The following CTTN variants were observed in gnomAD, a reference collection of about 807,000 sequenced individuals.
CTTN encodes the protein src substrate cortactin.
CTTN carries 28 observed loss-of-function variants against 84.0 expected under a neutral mutation model. That is an observed-to-expected ratio of 0.33 (90% CI 0.25 to 0.46). The LOEUF is 0.46. CTTN is among the 20% of genes least tolerant of loss of function. The pLI is 1.00. For synonymous variants in CTTN, 301 were observed against 288.8 expected (o/e 1.04, Z -0.43); for missense variants, 641 against 723.8 (o/e 0.89, Z 1.31).
intron 11 of CTTN, 156 bp downstream of exon 11, chr11:70,421,736 AG>A: frequency 1.6e-6 from 1 of 627,882 alleles, no homozygotes. Flanking sequence ...ACCCATTTCT[AG>A]TAGAGCGACA....
intron 15 of CTTN, 24 bp from the exon 16 acceptor site, chr11:70,433,077 C>T (rs780539967): frequency 8.7e-6 from 14 of 1,608,828 alleles, no homozygotes; most frequent in Admixed American, 1.7e-5. Flanking sequence ...GGCCCCGTGC[C>T]ATGTGCGTGT....
intron 15 of CTTN, among the ~76,000 whole-genome samples, chr11:70,431,764 G>A (rs567320597): frequency 2.0e-5 from 3 of 152,094 alleles, no homozygotes; most frequent in African/African-American, 4.8e-5. Context: ...CATGCTGTCC[G>A]GCCCCTCCCT....
rs1263811768 is a variant in CTTN, at chr11:70,433,205, C to A, written c.1371C>A (p.Ser457Arg). 6.2e-6 allele frequency: 10 copies of A among 1,613,504 alleles called. No homozygotes were observed. Among genetic ancestry groups the A allele is most frequent in the Non-Finnish European group, 8.5e-6 (10 of 1,179,980 alleles). ...AGGCCGCTGACTACCGAGAGGCCAGCAGCCAGCAGGGCCTGGCCTATGCCA... is the reference window on the plus strand; with the variant it reads ...AGGCCGCTGACTACCGAGAGGCCAGAAGCCAGCAGGGCCTGGCCTATGCCA... Reference protein sequence around the residue: ...SMEAADYREASSQQGLAYATE... With the variant: ...SMEAADYREARSQQGLAYATE... The change falls in exon 16 of 18, where the codon AGC (serine) becomes AGA (arginine). Residue 457 changes from serine (S) to arginine (R), a missense_variant. Ser to Arg is a moderately radical substitution (Grantham distance 110, BLOSUM62 -1). Transcript: ENST00000301843.
intron 13 of CTTN, among the ~76,000 whole-genome samples, chr11:70,428,689 C>T (rs1309770114): frequency 6.6e-6 from 1 of 152,226 alleles, no homozygotes; most frequent in Non-Finnish European, 1.5e-5. Flanking sequence ...CAGTATACGT[C>T]AATTACAGTA....
rs2058329030 is a variant in CTTN at position 70,429,185 on chromosome 11, A to T, written c.1162A>T (p.Arg388Trp). 6.2e-7 allele frequency: 1 copy of T among 1,612,734 alleles called. No homozygotes were observed. The highest frequency in any genetic ancestry group is 1.3e-5 in the African/African-American group (1 of 74,910). ...GGAGCGGCAGGAGCAGGAAGAGGCC[A>T]GGAGGAAGCTGGAGGTGAGTGGCAA... ...AKERQEQEEARRKLEEQARAK... is the reference protein window; with the variant it reads ...AKERQEQEEAWRKLEEQARAK... The change falls in exon 14 of 18, where the codon AGG becomes TGG. Residue 388 changes from arginine to tryptophan, a missense_variant. Physicochemically the swap from Arg to Trp is moderately radical, Grantham distance 101. This residue lies in a region of CTTN where 289 missense variants were observed against 273.1 expected (regional missense o/e 1.06). Coordinates refer to ENST00000301843, the MANE Select transcript of CTTN (RefSeq NM_005231.4).
rs535086955 is a variant in CTTN at position 70,434,082 on chromosome 11, C to G, written c.1516+364C>G. ...GGGGCCGCACAGATGCCTTGATGTTCGAGACCCCATTCCTGCCTGTCCTGC... is the reference window on the plus strand; with the variant it reads ...GGGGCCGCACAGATGCCTTGATGTTGGAGACCCCATTCCTGCCTGTCCTGC... On this transcript the variant is annotated intron_variant, in intron 17 of 17. Coordinates refer to ENST00000301843, the MANE Select transcript of CTTN (RefSeq NM_005231.4). Among the ~76,000 whole-genome samples, 128 of 152,310 alleles carry G rather than the reference C, an allele frequency of 8.4e-4. 1 individual carries two copies. The highest frequency in any genetic ancestry group is 2.8e-3 in the African/African-American group (118 of 41,572).
rs752350707 is a variant in CTTN, at chr11:70,435,660, C to T, written c.*498C>T. On this transcript the variant is annotated 3_prime_UTR_variant, in exon 18 of 18. Transcript: ENST00000301843. ...GGACTGGGCCTGATGGAAGTTAACC[C>T]GGAGCTAAGTCACCCAGAGCACAGG... is the stretch of plus-strand genomic sequence containing the variant. 13 of 1,596,492 alleles carry T rather than the reference C, an allele frequency of 8.1e-6. No homozygotes were observed. The highest frequency in any genetic ancestry group is 6.6e-5 in the South Asian group (6 of 90,556).
intron 6 of CTTN, among the ~76,000 whole-genome samples, chr11:70,414,952 C>T (rs1435056331): frequency 1.3e-5 from 2 of 152,174 alleles, no homozygotes; most frequent in Non-Finnish European, 2.9e-5. Context: ...CCGTGTTTCT[C>T]ACATGTGTGT....
intron 14 of CTTN, among the ~76,000 whole-genome samples, chr11:70,430,286 C>T (rs1464879497): frequency 3.9e-5 from 6 of 152,216 alleles, no homozygotes; most frequent in East Asian, 1.9e-4. Flanking sequence ...TCAGACTCAG[C>T]GTCTGGCACT....
At chr11:70,426,821 C>T (rs572435903) in intron 13 of CTTN, among the ~76,000 whole-genome samples, 11 of 151,764 alleles carry the variant, frequency 7.2e-5, no homozygotes, top group South Asian at 2.1e-4. Context: ...AGGATGGTCT[C>T]GATCTCCTGA....
In CTTN at chr11:70,407,345, CGCGGGG is replaced by C; in HGVS notation, c.51_56del (p.Gly18_Ala19del). The C allele has an allele frequency of 6.4e-7, 1 of 1,564,314 alleles. No individual in the cohort carries two copies. The highest frequency in any genetic ancestry group is 8.7e-7 in the Non-Finnish European group (1 of 1,154,342). ...ACGCTGTGTCCATCGCCCAGGATGA[CGCGGGG>C]GCCGATGACTGGGAGACCGACCCTG... On this transcript the variant is annotated inframe_deletion, in exon 3 of 18. Transcript: ENST00000301843.
At chr11:70,415,422 G>A (rs546980497) in intron 6 of CTTN, among the ~76,000 whole-genome samples, 2 of 152,312 alleles carry the variant, frequency 1.3e-5, no homozygotes, top group South Asian at 4.1e-4. Flanking sequence ...TGCTGGGGAG[G>A]GCAGGTCACC....
At chr11:70,408,573 A>G (rs192444414) in intron 4 of CTTN, among the ~76,000 whole-genome samples, 19 of 152,018 alleles carry the variant, frequency 1.2e-4, no homozygotes, top group African/African-American at 4.3e-4. Context: ...AAGTGCTTTT[A>G]TTTCTTGTAA....
At position 70,436,060 on chromosome 11, in the gene CTTN, C is replaced by T. The variant is rs1054381; in HGVS notation, c.*898C>T. 1 of 1,426,128 alleles carries T rather than the reference C, an allele frequency of 7.0e-7. No individual in the cohort carries two copies. Among genetic ancestry groups the T allele is most frequent in the East Asian group, 2.5e-5 (1 of 39,382 alleles). The allele number at this position is 1,426,128 out of a possible 1,614,324, so 88.3% of individuals were successfully genotyped here. ...CCATGTCACAGCATGGCCTCTCGGC[C>T]TTGGGAAGGAAGGCAGTGCCTGCTC... On this transcript the variant is annotated 3_prime_UTR_variant, in exon 18 of 18. Coordinates refer to ENST00000301843, the MANE Select transcript of CTTN (RefSeq NM_005231.4).
At chr11:70,401,900 C>A (rs1011548213) in intron 1 of CTTN, among the ~76,000 whole-genome samples, 1 of 152,046 alleles carries the variant, frequency 6.6e-6, no homozygotes, top group African/African-American at 2.4e-5. Context: ...CCTGTAATCC[C>A]AGCACTTTGA....
chr11:70,432,876 T>C (rs1043646945), intron 15 of CTTN, among the ~76,000 whole-genome samples: 1 of 152,014 alleles, frequency 6.6e-6, no homozygotes, highest in Non-Finnish European at 1.5e-5. Flanking sequence ...GGAGTGTCGG[T>C]GGTGAGGACC....
chr11:70,434,409 C>T (rs909881763), intron 17 of CTTN, among the ~76,000 whole-genome samples: 1 of 152,286 alleles, frequency 6.6e-6, no homozygotes, highest in East Asian at 1.9e-4. Context: ...CCCCTCAGAA[C>T]CCCCGGCCTC....
intron 15 of CTTN, among the ~76,000 whole-genome samples, chr11:70,431,924 C>T (rs1238788183): frequency 6.6e-6 from 1 of 152,192 alleles, no homozygotes; most frequent in East Asian, 1.9e-4. Flanking sequence ...TACCTGTAAC[C>T]ACCTCTCCTG....
chr11:70,428,821 C>T (rs1250404013), intron 13 of CTTN, among the ~76,000 whole-genome samples: 1 of 152,190 alleles, frequency 6.6e-6, no homozygotes, highest in Admixed American at 6.5e-5. Context: ...TTCCTGATGC[C>T]AGGCTTAGGG....
Sources: allele counts gnomAD v4.1 joint callset (sites outside exome capture counted in the v4.1 genomes callset), GRCh38; gene constraint gnomAD v4.1.1; regional missense constraint gnomAD v4.1.1; transcripts MANE v1.5; gene names NCBI Gene and HGNC (gene_info 2026-07-23, HGNC 2026-07-21).